The following MBD5 variants were observed in gnomAD, a reference collection of about 807,000 sequenced individuals.
MBD5 encodes the protein methyl-CpG-binding domain protein 5.
In MBD5, 13 loss-of-function variants were observed where a neutral mutation model predicts 117.3. The ratio of observed to expected loss-of-function variants is 0.11; its 90% confidence interval spans 0.07 to 0.18. The LOEUF (loss-of-function observed/expected upper bound fraction) is 0.18. Ranked by LOEUF, MBD5 falls within the 10% of genes least tolerant of loss-of-function variation. The probability of loss-of-function intolerance (pLI) is 1.00; values close to 1 mark genes in which losing one functional copy is unlikely to be tolerated. For synonymous variants in MBD5, 727 were observed against 766.4 expected, an observed-to-expected ratio of 0.95 and a Z score of 0.85; for missense variants, 1,879 against 2,093.8, an observed-to-expected ratio of 0.90 and a Z score of 2.00.
intron 1 of MBD5, among the ~76,000 whole-genome samples, chr2:148,145,461 C>A (rs1373995078): frequency 6.6e-6 from 1 of 152,076 alleles, no homozygotes; most frequent in Non-Finnish European, 1.5e-5. Context: ...GCCTGATTGC[C>A]CTGGCCAGAA....
At chr2:148,429,031 A>G (rs1289175025) in intron 4 of MBD5, among the ~76,000 whole-genome samples, 1 of 152,216 alleles carries the variant, frequency 6.6e-6, no homozygotes, top group Non-Finnish European at 1.5e-5. Context: ...TGCACAGCAA[A>G]AGAAACTCTC....
chr2:148,156,258 A>G (rs555996827), intron 1 of MBD5, among the ~76,000 whole-genome samples: 2 of 152,348 alleles, frequency 1.3e-5, no homozygotes, highest in East Asian at 1.9e-4. Context: ...ACTGTATAAC[A>G]TAGCACCTGA....
At chr2:148,479,150 T>C (rs1311294205) in intron 8 of MBD5, among the ~76,000 whole-genome samples, 1 of 152,206 alleles carries the variant, frequency 6.6e-6, no homozygotes, top group African/African-American at 2.4e-5. Context: ...ACTGTAAGCA[T>C]GAATGAGTAA....
chr2:148,415,256 T>C (rs1705382651), intron 4 of MBD5, among the ~76,000 whole-genome samples: 1 of 152,156 alleles, frequency 6.6e-6, no homozygotes, highest in African/African-American at 2.4e-5. Context: ...AAATTCTTTC[T>C]TGGAATTTCT....
At chr2:148,160,590 A>G (rs1198978670) in intron 1 of MBD5, among the ~76,000 whole-genome samples, 2 of 152,216 alleles carry the variant, frequency 1.3e-5, no homozygotes, top group African/African-American at 4.8e-5. Flanking sequence ...CATGTGAAAT[A>G]TGAGGGAAAC....
chr2:148,483,010 C>A, intron 8 of MBD5, 100 bp from the exon 9 acceptor site: 2 of 1,353,974 alleles, frequency 1.5e-6, no homozygotes, highest in Non-Finnish European at 2.1e-6. Context: ...TGCCATGGAA[C>A]AAATAAATTT....
intron 4 of MBD5, among the ~76,000 whole-genome samples, chr2:148,411,512 CTTTT>C (rs1188326755): frequency 4.1e-5 from 4 of 97,446 alleles, no homozygotes; most frequent in African/African-American, 1.2e-4. Context: ...AGCATCTGTT[CTTTT>C]TTTTTTTTTT....
chr2:148,382,343 C>T (rs756267283), intron 4 of MBD5, among the ~76,000 whole-genome samples: 28 of 152,040 alleles, frequency 1.8e-4, no homozygotes, highest in Admixed American at 7.9e-4. Context: ...CAACAAAGAT[C>T]AAAAGAGACA....
At chr2:148,183,017 C>T (rs1698565632) in intron 2 of MBD5, among the ~76,000 whole-genome samples, 1 of 152,190 alleles carries the variant, frequency 6.6e-6, no homozygotes, top group Non-Finnish European at 1.5e-5. Context: ...CGACAGTATC[C>T]TGCTTTTGTA....
intron 1 of MBD5, among the ~76,000 whole-genome samples, chr2:148,045,494 C>A (rs1694495620): frequency 6.6e-6 from 1 of 152,076 alleles, no homozygotes; most frequent in Non-Finnish European, 1.5e-5. Context: ...TTATCATATG[C>A]CAGACATAGA....
chr2:148,024,469 T>G (rs1375367877), intron 1 of MBD5, among the ~76,000 whole-genome samples: 3 of 152,180 alleles, frequency 2.0e-5, no homozygotes, highest in Non-Finnish European at 4.4e-5. Flanking sequence ...AACACATCCT[T>G]CTACTCTTGG....
intron 1 of MBD5, among the ~76,000 whole-genome samples, chr2:148,074,484 G>T (rs10182597): frequency 0.35 from 43,406 of 122,920 alleles, 8,152 homozygotes; most frequent in South Asian, 0.53. Flanking sequence ...GGAATAGTTT[G>T]TTTTTTTTTT....
chr2:148,082,673 T>G (rs1447552477), intron 1 of MBD5, among the ~76,000 whole-genome samples: 1 of 152,218 alleles, frequency 6.6e-6, no homozygotes, highest in South Asian at 2.1e-4. Flanking sequence ...AACAGTAGGC[T>G]CACACATCTA....
At chr2:148,383,196 G>C (rs1574360464) in intron 4 of MBD5, among the ~76,000 whole-genome samples, 2 of 152,026 alleles carry the variant, frequency 1.3e-5, no homozygotes, top group East Asian at 3.9e-4. Flanking sequence ...CACCAAAATT[G>C]ATAGACCGCT....
chr2:148,262,348 TA>T (rs879626929), intron 3 of MBD5, among the ~76,000 whole-genome samples: 58 of 145,700 alleles, frequency 4.0e-4, no homozygotes, highest in Admixed American at 5.5e-4. Context: ...TCATCTAAAG[TA>T]AAAAAAAAAA....
intron 1 of MBD5, among the ~76,000 whole-genome samples, chr2:148,097,013 A>G (rs564292591): frequency 6.6e-6 from 1 of 152,292 alleles, no homozygotes; most frequent in East Asian, 1.9e-4. Flanking sequence ...TGATTGCAGG[A>G]AACTACCTAA....
chr2:148,211,506 C>T (rs1267622041), intron 2 of MBD5, among the ~76,000 whole-genome samples: 2 of 152,072 alleles, frequency 1.3e-5, no homozygotes, highest in African/African-American at 4.8e-5. Context: ...CACTGTGGCC[C>T]AGACTTGTTC....
At chr2:148,419,453 C>A (rs1418244388) in intron 4 of MBD5, among the ~76,000 whole-genome samples, 1 of 152,112 alleles carries the variant, frequency 6.6e-6, no homozygotes, top group Admixed American at 6.5e-5. Context: ...GAATGCATTT[C>A]TGTGAATTTT....
intron 3 of MBD5, among the ~76,000 whole-genome samples, chr2:148,324,862 CA>C (rs1228008365): frequency 6.6e-6 from 1 of 152,108 alleles, no homozygotes; most frequent in African/African-American, 2.4e-5. Context: ...CCAGAACTTC[CA>C]ACACTATGTT....
Sources: gnomAD v4.1 joint callset for allele counts (sites outside exome capture counted in the v4.1 genomes callset) on GRCh38, gnomAD v4.1.1 for gene constraint, MANE v1.5 for transcripts, NCBI Gene and HGNC (gene_info 2026-07-23, HGNC 2026-07-21) for gene names.